Variants in DNM1L observed in about 807,000 individuals in gnomAD.
DNM1L encodes dynamin-1-like protein.
DNM1L carries 33 observed loss-of-function variants against 92.8 expected under a neutral mutation model. The observed-to-expected ratio is 0.36, with a 90% CI of 0.27 to 0.48. DNM1L has a LOEUF of 0.48. DNM1L is among the 20% of genes least tolerant of loss of function. DNM1L has a pLI of 0.99. For missense variants in DNM1L, 485 were observed against 888.8 expected, an observed-to-expected ratio of 0.55 and a Z score of 5.78; for synonymous variants, 284 against 305.0, an observed-to-expected ratio of 0.93 and a Z score of 0.72.
rs536492759 is a variant in DNM1L, at chr12:32,733,284, AGTTAAC to A, written c.1447-430_1447-425del. Among the ~76,000 whole-genome samples the A allele has an allele frequency of 1.5e-3, 233 of 152,364 alleles. 1 individual carries two copies. The highest frequency in any genetic ancestry group is 3.1e-3 in the Non-Finnish European group (211 of 68,024). On this transcript the variant is annotated intron_variant, in intron 12 of 19. Transcript: ENST00000549701. ...CTTAGATGTATCCTTTACCCAAATA[AGTTAAC>A]ATCTTTAACTTATGCCTTGTTACGA...
At chr12:32,743,233 T>G in intron 19 of DNM1L, 121 bp from the exon 20 acceptor site, 1 of 836,366 alleles carries the variant, frequency 1.2e-6, no homozygotes, top group Non-Finnish European at 1.9e-6. Flanking sequence ...AAGATATTGG[T>G]TAGTATAAAC....
rs1592648574 is a variant in DNM1L at position 32,726,868 on chromosome 12, T to C, written c.1080-4146T>C. 1.1e-4 allele frequency: 68 copies of C among 646,194 alleles called. No homozygotes were observed. The East Asian group carries it at 1.7e-3, about 16-fold the overall frequency. 40.0% of individuals were successfully genotyped at this position (646,194 alleles called of 1,614,324 possible). On this transcript the variant is annotated intron_variant, in intron 9 of 19. Coordinates refer to ENST00000549701, the MANE Select transcript of DNM1L (RefSeq NM_012062.5). ...GGTTCTAACCTCATCCTATATGTCTTTGTCAGCACTTCATTTGTAAAATAT... is the reference window on the plus strand; with the variant it reads ...GGTTCTAACCTCATCCTATATGTCTCTGTCAGCACTTCATTTGTAAAATAT...
chr12:32,740,979 C>T (rs914758230), intron 18 of DNM1L, among the ~76,000 whole-genome samples: 2 of 152,032 alleles, frequency 1.3e-5, no homozygotes, highest in African/African-American at 4.8e-5. Flanking sequence ...TTCATGTTGC[C>T]TGGTATGTCA....
chr12:32,719,124 A>T (rs3762105), intron 7 of DNM1L, among the ~76,000 whole-genome samples: 4 of 151,898 alleles, frequency 2.6e-5, no homozygotes, highest in East Asian at 1.9e-4. Context: ...CTAATTTTAA[A>T]TTTTTTTGTA....
chr12:32,733,253 C>T (rs1954676471), intron 12 of DNM1L, among the ~76,000 whole-genome samples: 10 of 152,196 alleles, frequency 6.6e-5, no homozygotes, highest in Admixed American at 6.5e-4. Flanking sequence ...GTCACTACCT[C>T]AGGTCCTTAG....
At position 32,713,137 on chromosome 12, in the gene DNM1L, C is replaced by T. The variant is rs866500199; in HGVS notation, c.457-72C>T. 75 of 1,468,294 alleles carry T rather than the reference C, an allele frequency of 5.1e-5. 2 individuals carry two copies. In the Middle Eastern group the frequency reaches 3.2e-3, roughly 62 times the overall value. 91.0% of individuals were successfully genotyped at this position (1,468,294 alleles called of 1,614,324 possible). On this transcript the variant is annotated intron_variant, in intron 5 of 19. Coordinates refer to ENST00000549701, the MANE Select transcript of DNM1L (RefSeq NM_012062.5). ...TTAAATGGATATACCTATATTCTAT[C>T]GATTAAATGTGGGTAAAAAAGCTGA...
chr12:32,694,917 A>G (rs1047057630), intron 1 of DNM1L, among the ~76,000 whole-genome samples: 1 of 152,184 alleles, frequency 6.6e-6, no homozygotes, highest in Non-Finnish European at 1.5e-5. Flanking sequence ...TGGGAAGGGT[A>G]TTGCACACAT....
intron 1 of DNM1L, among the ~76,000 whole-genome samples, chr12:32,691,141 G>A (rs910920166): frequency 2.6e-5 from 4 of 152,088 alleles, no homozygotes; most frequent in African/African-American, 4.8e-5. Flanking sequence ...TCCTTGGCTC[G>A]TAGATGGCTG....
intron 6 of DNM1L, among the ~76,000 whole-genome samples, chr12:32,718,152 A>G (rs918438543): frequency 2.1e-5 from 3 of 143,316 alleles, no homozygotes; most frequent in African/African-American, 7.7e-5. Flanking sequence ...TAGTATATAT[A>G]TATATTTTAG....
intron 1 of DNM1L, among the ~76,000 whole-genome samples, chr12:32,692,284 A>ACTTT (rs1952263444): frequency 6.6e-6 from 1 of 152,186 alleles, no homozygotes; most frequent in South Asian, 2.1e-4. Flanking sequence ...GATCTCAGGA[A>ACTTT]TAGCGACAAC....
chr12:32,697,417 G>A (rs947419137), intron 1 of DNM1L, among the ~76,000 whole-genome samples: 10 of 152,162 alleles, frequency 6.6e-5, no homozygotes, highest in Admixed American at 5.9e-4. Context: ...GATATGATCT[G>A]TAAAGGGGTG....
intron 6 of DNM1L, 46 bp from the exon 7 acceptor site, chr12:32,718,597 C>T (rs760774758): frequency 1.9e-6 from 3 of 1,611,482 alleles, no homozygotes. Context: ...TTTAATGGAT[C>T]ATTTTCTTTC....
chr12:32,732,280 C>T (rs1331560373), intron 12 of DNM1L, among the ~76,000 whole-genome samples: 4 of 152,096 alleles, frequency 2.6e-5, no homozygotes, highest in Non-Finnish European at 4.4e-5. Flanking sequence ...CATCTTTAGC[C>T]TCAGTAAACT....
Position 32,710,983 on chromosome 12 carries a change from T to C in DNM1L, c.424T>C (p.Leu142=), listed in dbSNP as rs774606709. The change falls in exon 5 of 20, where the codon TTG becomes CTG. Residue 142 remains leucine, a synonymous_variant. Coordinates refer to ENST00000549701, the MANE Select transcript of DNM1L (RefSeq NM_012062.5). ...LKIFSPNVVN[L]TLVDLPGMTK... ...GATTTTTTCACCCAACGTTGTCAAT[T>C]TGACACTTGTGGATTTGCCAGGAAT... 8 of 1,613,906 alleles carry C rather than the reference T, an allele frequency of 5.0e-6. No individual in the cohort carries two copies. The highest frequency in any genetic ancestry group is 1.6e-4 in the Middle Eastern group (1 of 6,082).
intron 9 of DNM1L, among the ~76,000 whole-genome samples, chr12:32,724,595 T>A (rs7316879): frequency 0.052 from 2,161 of 41,594 alleles, 64 homozygotes; most frequent in African/African-American, 0.14. Flanking sequence ...AAAAAAAAAA[T>A]ATATATATAT....
chr12:32,718,235 G>C (rs541646821), intron 6 of DNM1L, among the ~76,000 whole-genome samples: 3 of 149,474 alleles, frequency 2.0e-5, no homozygotes, highest in South Asian at 2.1e-4. Flanking sequence ...TCTGCCTCTC[G>C]GGTTCAAGCA....
intron 3 of DNM1L, 111 bp from the exon 4 acceptor site, chr12:32,708,042 T>C (rs1157938657): frequency 1.6e-6 from 1 of 636,408 alleles, no homozygotes; most frequent in African/African-American, 1.9e-5. Flanking sequence ...ATTTTATTTA[T>C]TTTCTGAAGC....
chr12:32,687,446 T>TTTGTTG (rs144897387), intron 1 of DNM1L, among the ~76,000 whole-genome samples: 3 of 151,570 alleles, frequency 2.0e-5, no homozygotes, highest in African/African-American at 7.3e-5. Flanking sequence ...GAGCAAAGAT[T>TTTGTTG]TTGTTGTTGT....
intron 1 of DNM1L, among the ~76,000 whole-genome samples, chr12:32,685,904 T>G (rs780309014): frequency 1.6e-4 from 24 of 152,124 alleles, no homozygotes; most frequent in Non-Finnish European, 3.5e-4. Flanking sequence ...TTATTGACTA[T>G]AATTTAATTC....
Sources: allele counts gnomAD v4.1 joint callset (sites outside exome capture counted in the v4.1 genomes callset), GRCh38; gene constraint gnomAD v4.1.1; transcripts MANE v1.5; gene names NCBI Gene and HGNC (gene_info 2026-07-23, HGNC 2026-07-21).